The following GAB1 variants were observed in gnomAD, a reference collection of about 807,000 sequenced individuals.
GAB1 encodes GRB2-associated-binding protein 1.
In GAB1, 19 loss-of-function variants were observed where a neutral mutation model predicts 66.5. The observed-to-expected ratio is 0.29, with a 90% CI of 0.20 to 0.42. GAB1 has a LOEUF of 0.42. GAB1 is among the 10% of genes least tolerant of loss of function. The pLI, the probability that GAB1 is intolerant of heterozygous loss-of-function variation, is 1.00. For synonymous variants in GAB1, 294 were observed against 301.4 expected (o/e 0.98, Z 0.25); for missense variants, 732 against 858.5 (o/e 0.85, Z 1.84).
At chr4:143,467,171 A>G (rs1735835595) in intron 9 of GAB1, among the ~76,000 whole-genome samples, 1 of 152,206 alleles carries the variant, frequency 6.6e-6, no homozygotes, top group Non-Finnish European at 1.5e-5. Context: ...GTTCTTGATC[A>G]ACAATAATTT....
rs923791360 is a variant in GAB1 at position 143,471,456 on chromosome 4, C to A, written c.*2267C>A. The A allele has an allele frequency of 6.6e-6, 1 of 152,070 alleles. No individual in the cohort carries two copies. Among genetic ancestry groups the A allele is most frequent in the African/African-American group, 2.4e-5 (1 of 41,382 alleles). 9.4% of individuals were successfully genotyped at this position (152,070 alleles called of 1,614,324 possible). On this transcript the variant is annotated 3_prime_UTR_variant, in exon 10 of 10. Coordinates refer to ENST00000262994, the MANE Select transcript of GAB1 (RefSeq NM_002039.4). Reference sequence around the variant, plus strand: ...TTTTTAGATGAAATTTTATGTATAACCCCAATACATAAAGCCTGAAAACTC... The same window carrying A: ...TTTTTAGATGAAATTTTATGTATAAACCCAATACATAAAGCCTGAAAACTC...
chr4:143,449,478 A>G (rs1734776246), intron 6 of GAB1, among the ~76,000 whole-genome samples: 1 of 151,474 alleles, frequency 6.6e-6, no homozygotes, highest in Admixed American at 6.6e-5. Context: ...GTGCTCCTGT[A>G]TTGGGTGCAT....
At chr4:143,373,868 A>AATAAATACATATATATATAT in intron 1 of GAB1, among the ~76,000 whole-genome samples, 1 of 93,670 alleles carries the variant, frequency 1.1e-5, no homozygotes. Flanking sequence ...TAAATAAATA[A>AATAAATACATATATATATAT]ATATATATAT....
At chr4:143,428,544 C>A (rs765575729) in intron 2 of GAB1, among the ~76,000 whole-genome samples, 36 of 152,080 alleles carry the variant, frequency 2.4e-4, no homozygotes, top group Non-Finnish European at 4.7e-4. Context: ...ACAAGAATTG[C>A]AGGATATTTG....
At chr4:143,374,479 A>G (rs1560726337) in intron 1 of GAB1, among the ~76,000 whole-genome samples, 1 of 152,234 alleles carries the variant, frequency 6.6e-6, no homozygotes, top group African/African-American at 2.4e-5. Flanking sequence ...ATTCATAAAC[A>G]CAGTATGTTC....
chr4:143,457,595 C>CTTTTT (rs144852070), intron 6 of GAB1: 3 of 294,682 alleles, frequency 1.0e-5, no homozygotes, highest in Non-Finnish European at 1.8e-5. Context: ...GGCTCTGTTG[C>CTTTTT]TTTTTTTTTT....
At chr4:143,439,713 A>C in intron 4 of GAB1, 89 bp from the exon 5 acceptor site, 1 of 836,086 alleles carries the variant, frequency 1.2e-6, no homozygotes, top group East Asian at 2.5e-5. Flanking sequence ...ATGCATATGT[A>C]TAATGAGAGA....
rs34564162 is a variant in GAB1, at chr4:143,355,432, A to AAACAAC, written c.72+18186_72+18191dup. Among the ~76,000 whole-genome samples the AAACAAC allele has an allele frequency of 4.5e-3, 677 of 149,436 alleles. 5 individuals carry two copies. The highest frequency in any genetic ancestry group is 0.016 in the African/African-American group (633 of 39,442). ...TTTATTTTCAATTGTGTTTAAAACA[A>AAACAAC]AACAACAACAACAACAACACATAAC... On this transcript the variant is annotated intron_variant, in intron 1 of 9. Coordinates refer to ENST00000262994, the MANE Select transcript of GAB1 (RefSeq NM_002039.4).
At chr4:143,441,398 C>T (rs191223471) in intron 6 of GAB1, among the ~76,000 whole-genome samples, 2 of 152,330 alleles carry the variant, frequency 1.3e-5, no homozygotes, top group South Asian at 2.1e-4. Flanking sequence ...TTTAAGACCA[C>T]ATAATGTTGG....
At chr4:143,446,320 G>A (rs1338581476) in intron 6 of GAB1, among the ~76,000 whole-genome samples, 5 of 152,190 alleles carry the variant, frequency 3.3e-5, no homozygotes, top group Non-Finnish European at 7.3e-5. Context: ...GTAATGGGAT[G>A]GCTGGGTCAA....
chr4:143,415,425 GA>G, intron 1 of GAB1, 51 bp from the exon 2 acceptor site: 3 of 1,369,600 alleles, frequency 2.2e-6, no homozygotes, highest in Non-Finnish European at 3.0e-6. Context: ...GCATCTTCTT[GA>G]AAACATTATC....
intron 1 of GAB1, among the ~76,000 whole-genome samples, chr4:143,388,896 G>C (rs958234402): frequency 6.6e-6 from 1 of 152,210 alleles, no homozygotes; most frequent in East Asian, 1.9e-4. Context: ...AGCCAAGGCT[G>C]AGCCAGAAAT....
intron 1 of GAB1, among the ~76,000 whole-genome samples, chr4:143,393,779 T>TA (rs929253780): frequency 9.9e-5 from 15 of 152,020 alleles, no homozygotes; most frequent in African/African-American, 3.4e-4. Flanking sequence ...TAGTCAAATG[T>TA]AAAAAAATGC....
rs114626322 is a variant in GAB1, at chr4:143,345,793, C to G, written c.72+8533C>G. On this transcript the variant is annotated intron_variant, in intron 1 of 9. Coordinates refer to ENST00000262994, the MANE Select transcript of GAB1 (RefSeq NM_002039.4). Reference sequence around the variant, plus strand: ...TTTAGCTATTTAAACATGAAATAAGCAGGTAAATGTAATTTAAGTTAAGCA... The same window carrying G: ...TTTAGCTATTTAAACATGAAATAAGGAGGTAAATGTAATTTAAGTTAAGCA... 4.7e-3 allele frequency among the ~76,000 whole-genome samples: 715 copies of G among 152,306 alleles called. 3 individuals are homozygous for G. Among genetic ancestry groups the G allele is most frequent in the African/African-American group, 0.016 (683 of 41,572 alleles).
rs371585540 is a variant in GAB1, at chr4:143,460,349, A to T, written c.1680-15A>T. 110 of 1,612,790 alleles carry T rather than the reference A, an allele frequency of 6.8e-5. No individual in the cohort carries two copies. Among genetic ancestry groups the T allele is most frequent in the Non-Finnish European group, 8.1e-5 (95 of 1,179,224 alleles). On this transcript the variant is annotated splice_polypyrimidine_tract_variant and intron_variant, in intron 7 of 9. Coordinates refer to ENST00000262994, the MANE Select transcript of GAB1 (RefSeq NM_002039.4). ...TGTCAAGGCTTATGTTTGTGATGAT[A>T]ATTTCTGTAATTAGCTCTTCCAGGT...
At chr4:143,459,148 G>A (rs1470641519) in intron 6 of GAB1, among the ~76,000 whole-genome samples, 1 of 152,034 alleles carries the variant, frequency 6.6e-6, no homozygotes, top group African/African-American at 2.4e-5. Context: ...TTGTAATAGA[G>A]GTTTAGGCTT....
At chr4:143,445,955 C>A (rs1175669331) in intron 6 of GAB1, among the ~76,000 whole-genome samples, 1 of 152,052 alleles carries the variant, frequency 6.6e-6, no homozygotes, top group Non-Finnish European at 1.5e-5. Flanking sequence ...CCCCCCACCC[C>A]ACAACAGTCC....
At chr4:143,434,669 T>G (rs1733852334) in intron 3 of GAB1, among the ~76,000 whole-genome samples, 1 of 152,120 alleles carries the variant, frequency 6.6e-6, no homozygotes, top group African/African-American at 2.4e-5. Flanking sequence ...CTTTACAAAT[T>G]TTTAAGTAGA....
intron 1 of GAB1, among the ~76,000 whole-genome samples, chr4:143,377,419 A>G (rs1049234831): frequency 6.6e-6 from 1 of 152,124 alleles, no homozygotes; most frequent in Non-Finnish European, 1.5e-5. Context: ...TCAACCATGT[A>G]TGGTTGGTGA....
Sources: gnomAD v4.1 joint callset for allele counts (sites outside exome capture counted in the v4.1 genomes callset) on GRCh38, gnomAD v4.1.1 for gene constraint, MANE v1.5 for transcripts, NCBI Gene and HGNC (gene_info 2026-07-23, HGNC 2026-07-21) for gene names.